The following OPN4 variants were observed in gnomAD, a reference collection of about 807,000 sequenced individuals.
The protein encoded by OPN4 is opsin 4.
In OPN4, 43 loss-of-function variants were observed where a neutral mutation model predicts 49.5. The observed-to-expected ratio is 0.87, with a 90% CI of 0.68 to 1.12. The LOEUF is 1.12. Ranked by LOEUF, OPN4 falls within the 50% of genes most tolerant of loss-of-function variation. OPN4 has a pLI of 0.00. For synonymous variants in OPN4, 263 were observed against 258.0 expected (o/e 1.02, Z -0.19); for missense variants, 657 against 643.9 (o/e 1.02, Z -0.22).
rs111357352 is a variant in OPN4 at position 86,658,777 on chromosome 10, G to A, written c.628+90G>A. The A allele has an allele frequency of 2.7e-5, 39 of 1,422,748 alleles. No homozygotes were observed. In the African/African-American group the frequency reaches 5.0e-4, roughly 18 times the overall value. The allele number at this position is 1,422,748 out of a possible 1,614,324, so 88.1% of individuals were successfully genotyped here. ...TAGGTGGACTTGGGTCAGCCAGCTG[G>A]CGGGAGCAGGGTGCCCAGGAGCTAC... is the stretch of plus-strand genomic sequence containing the variant. On this transcript the variant is annotated intron_variant, in intron 4 of 9. Transcript: ENST00000241891.
At chr10:86,656,379 G>C in intron 2 of OPN4, 79 bp downstream of exon 2, 1 of 1,499,000 alleles carries the variant, frequency 6.7e-7, no homozygotes, top group Non-Finnish European at 9.0e-7. Context: ...AGGCAGGAAT[G>C]TTGACTCTAG....
intron 9 of OPN4, 81 bp from the exon 10 acceptor site, chr10:86,665,632 C>G (rs1459474233): frequency 5.0e-6 from 6 of 1,205,260 alleles, no homozygotes; most frequent in African/African-American, 3.0e-5. Context: ...TGCTCGGTGA[C>G]CCAGTGTGTG....
In OPN4 at chr10:86,659,348, G is replaced by A; in HGVS notation, c.680G>A (p.Ser227Asn). ...LLTSCSWDYM[S>N]FTPAVRAYTM... ...ACATCCTGCTCCTGGGACTACATGA[G>A]CTTCACGCCGGCCGTGCGTGCCTAC... Residue 227 changes from serine to asparagine, a missense_variant, in exon 5 of 10, where the codon AGC (serine) becomes AAC (asparagine). By Grantham distance (46) the Ser-to-Asn change is conservative. Transcript: ENST00000241891. 1.2e-6 allele frequency: 2 copies of A among 1,613,846 alleles called. No individual in the cohort carries two copies. The highest frequency in any genetic ancestry group is 1.7e-6 in the Non-Finnish European group (2 of 1,180,028).
chr10:86,664,972 G>C (rs1844111302), intron 9 of OPN4, among the ~76,000 whole-genome samples: 1 of 152,196 alleles, frequency 6.6e-6, no homozygotes, highest in Non-Finnish European at 1.5e-5. Context: ...ACTGAAAGCA[G>C]AGGCAAGTCC....
rs745384546 is a variant in OPN4 at position 86,659,333 on chromosome 10, C to A, written c.665C>A (p.Ser222Tyr). The A allele has an allele frequency of 2.5e-6, 4 of 1,613,678 alleles. No homozygotes were observed. Among genetic ancestry groups the A allele is most frequent in the Middle Eastern group, 1.6e-4 (1 of 6,062 alleles). Residue 222 changes from serine (S) to tyrosine (Y), a missense_variant, in exon 5 of 10, where the codon TCC becomes TAC. By Grantham distance (144) the Ser-to-Tyr change is moderately radical (BLOSUM62 -2). Coordinates refer to ENST00000241891, the MANE Select transcript of OPN4 (RefSeq NM_033282.4). ...CCCGAGGGGTTGCTGACATCCTGCT[C>A]CTGGGACTACATGAGCTTCACGCCG... The part of the protein sequence containing the change: ...YVPEGLLTSC[S>Y]WDYMSFTPAV...
chr10:86,665,992 G>T lies in OPN4; in HGVS notation c.*241G>T, dbSNP rs890510494. ...CAGCCGCACCCGAGGCTCAGCCTGA[G>T]GGGTATGTGCCCAGGCCCTCCCACT... On this transcript the variant is annotated 3_prime_UTR_variant, in exon 10 of 10. Transcript: ENST00000241891. 5.3e-6 allele frequency: 3 copies of T among 565,042 alleles called. No homozygotes were observed. Among genetic ancestry groups the T allele is most frequent in the Non-Finnish European group, 9.4e-6 (3 of 318,984 alleles). The allele number at this position is 565,042 out of a possible 1,614,324, so 35.0% of individuals were successfully genotyped here.
intron 2 of OPN4, 66 bp from the exon 3 acceptor site, chr10:86,657,966 G>A (rs1366682440): frequency 6.4e-7 from 1 of 1,553,306 alleles, no homozygotes; most frequent in African/African-American, 1.4e-5. Context: ...CCTGAGGGGT[G>A]CGGGAAGCTC....
Position 86,658,662 on chromosome 10 carries a change from G to C in OPN4, c.603G>C (p.Trp201Cys). 2 of 1,613,354 alleles carry C rather than the reference G, an allele frequency of 1.2e-6. No individual in the cohort carries two copies. Among genetic ancestry groups the C allele is most frequent in the Non-Finnish European group, 1.7e-6 (2 of 1,180,042 alleles). ...LLGVWLYALA[W>C]SLPPFFGWSA... The stretch of plus-strand genomic sequence containing the variant: ...GCGTTTGGCTCTATGCCCTGGCCTG[G>C]AGTCTGCCACCCTTCTTCGGCTGGA... The change falls in exon 4 of 10, where the codon TGG (tryptophan) becomes TGC (cysteine). Residue 201 changes from tryptophan (W) to cysteine (C), a missense_variant. Physicochemically the swap from Trp to Cys is radical, Grantham distance 215. Transcript: ENST00000241891.
chr10:86,658,544 C>A lies in OPN4; in HGVS notation c.485C>A (p.Thr162Lys). Residue 162 changes from threonine (T) to lysine (K), a missense_variant, in exon 4 of 10, where the codon ACG becomes AAG. Transcript: ENST00000241891. ...GGCATTTCCTCCATGATCACCCTGA[C>A]GGCCATCGCCCTGGACCGCTACCTG... ...LFGISSMITL[T>K]AIALDRYLVI... is the part of the protein sequence containing the mutation. The A allele has an allele frequency of 6.2e-7, 1 of 1,614,212 alleles. No homozygotes were observed. Among genetic ancestry groups the A allele is most frequent in the Non-Finnish European group, 8.5e-7 (1 of 1,180,042 alleles).
chr10:86,658,968 G>T (rs951548674), intron 4 of OPN4, among the ~76,000 whole-genome samples: 41 of 152,238 alleles, frequency 2.7e-4, no homozygotes, highest in African/African-American at 9.4e-4. Flanking sequence ...GTCAGACTAG[G>T]CAGGGGGCTG....
Position 86,654,641 on chromosome 10 carries a change from C to T in OPN4, c.-143C>T, listed in dbSNP as rs1229630408. On this transcript the variant is annotated 5_prime_UTR_variant, in exon 1 of 10. Coordinates refer to ENST00000241891, the MANE Select transcript of OPN4 (RefSeq NM_033282.4). ...GAGCAGCTCCAGGCTGGATCTGCGC[C>T]GGACACAGGAGAAAGCAGCGGGTAG... The T allele has an allele frequency of 3.1e-5, 38 of 1,217,112 alleles. No homozygotes were observed. In the East Asian group the frequency reaches 7.4e-4, roughly 24 times the overall value. The allele number at this position is 1,217,112 out of a possible 1,614,324, so 75.4% of individuals were successfully genotyped here. A position where few individuals can be genotyped will look rare whatever the true frequency, so the allele number is the denominator to read the frequency against.
intron 8 of OPN4, among the ~76,000 whole-genome samples, chr10:86,662,964 G>A (rs1035151361): frequency 3.9e-5 from 6 of 152,250 alleles, no homozygotes; most frequent in African/African-American, 1.4e-4. Context: ...CTCCCTCTGA[G>A]GCTCCACGTC....
At chr10:86,665,656 A>G in intron 9 of OPN4, 57 bp from the exon 10 acceptor site, 2 of 1,482,400 alleles carry the variant, frequency 1.3e-6, no homozygotes, top group Admixed American at 1.7e-5. Flanking sequence ...GGTCATCGGG[A>G]GACTGCCCCC....
At chr10:86,665,675 G>C (rs777821845) in intron 9 of OPN4, 38 bp from the exon 10 acceptor site, 8 of 1,598,348 alleles carry the variant, frequency 5.0e-6, no homozygotes, top group Non-Finnish European at 6.9e-6. Context: ...CCAGTGAACT[G>C]CTCCTCAGCT....
At chr10:86,665,112 G>A (rs1411941767) in intron 9 of OPN4, among the ~76,000 whole-genome samples, 1 of 152,156 alleles carries the variant, frequency 6.6e-6, no homozygotes, top group Non-Finnish European at 1.5e-5. Context: ...GGGGCACAGG[G>A]GAGGGAGCTC....
intron 7 of OPN4, among the ~76,000 whole-genome samples, chr10:86,661,652 T>C (rs1033445543): frequency 7.9e-5 from 12 of 151,902 alleles, no homozygotes; most frequent in Admixed American, 3.9e-4. Context: ...AGACCTGGCG[T>C]GTAGGGCAGC....
Position 86,666,256 on chromosome 10 carries a change from G to A in OPN4, c.*505G>A, listed in dbSNP as rs189002366. The stretch of plus-strand genomic sequence containing the variant: ...CTGTGGCTTCTTCCCCCAGTGTACC[G>A]TTCCACTGTGGCCCACATTCTTGTG... On this transcript the variant is annotated 3_prime_UTR_variant, in exon 10 of 10. Transcript: ENST00000241891. 484 of 191,498 alleles carry A rather than the reference G, an allele frequency of 2.5e-3. 2 individuals are homozygous for A. The highest frequency in any genetic ancestry group is 0.011 in the Middle Eastern group (5 of 472). 11.9% of individuals were successfully genotyped at this position (191,498 alleles called of 1,614,324 possible).
At chr10:86,657,547 G>A (rs1843900665) in intron 2 of OPN4, among the ~76,000 whole-genome samples, 1 of 152,170 alleles carries the variant, frequency 6.6e-6, no homozygotes, top group Non-Finnish European at 1.5e-5. Flanking sequence ...GAGGAGGGAA[G>A]CGTGAGAAGC....
chr10:86,656,315 G>T lies in OPN4; in HGVS notation c.290+15G>T. ...ACCTTCTGCAGGTGCCTGGTTGGTG[G>T]TGCTGGGCCCAGGGCACTGAGGGTG... On this transcript the variant is annotated intron_variant, in intron 2 of 9. Transcript: ENST00000241891. 2 of 1,583,594 alleles carry T rather than the reference G, an allele frequency of 1.3e-6. No homozygotes were observed. Among genetic ancestry groups the T allele is most frequent in the Non-Finnish European group, 1.7e-6 (2 of 1,163,812 alleles).
Sources: gnomAD v4.1 joint callset for allele counts (sites outside exome capture counted in the v4.1 genomes callset) on GRCh38, gnomAD v4.1.1 for gene constraint, MANE v1.5 for transcripts, NCBI Gene and HGNC (gene_info 2026-07-23, HGNC 2026-07-21) for gene names.